STK32B: variants seen among roughly 807,000 people sequenced by gnomAD.
STK32B encodes serine/threonine kinase 32B, also known as serine/threonine-protein kinase 32B.
Under a neutral mutation model 52.6 loss-of-function variants are expected in STK32B, and 43 were observed. The observed-to-expected ratio is 0.82, with a 90% CI of 0.64 to 1.05. The LOEUF (loss-of-function observed/expected upper bound fraction) is 1.05. Ranked by LOEUF, STK32B falls within the 50% of genes least tolerant of loss-of-function variation. STK32B has a pLI of 0.00. For missense variants in STK32B, 621 were observed against 534.6 expected (o/e 1.16, Z -1.59); for synonymous variants, 238 against 204.3 (o/e 1.17, Z -1.41).
the STK32B span, among the ~76,000 whole-genome samples, chr4:5,038,152 C>T: frequency 6.6e-6 from 1 of 152,200 alleles, no homozygotes; most frequent in Admixed American, 6.5e-5. Context: ...GTTCATGAAT[C>T]ATCCCCATAA....
chr4:5,432,119 TC>T (rs1300289419), intron 6 of STK32B, among the ~76,000 whole-genome samples: 1 of 152,184 alleles, frequency 6.6e-6, no homozygotes, highest in African/African-American at 2.4e-5. Flanking sequence ...ATAAGTTGTC[TC>T]ATTATGGGGT....
chr4:5,142,519 C>A (rs114405741), intron 2 of STK32B, among the ~76,000 whole-genome samples: 1,777 of 152,282 alleles, frequency 0.012, 28 homozygotes, highest in African/African-American at 0.04. Flanking sequence ...CTGAGTTTTG[C>A]TATATGCACA....
At chr4:5,480,187 C>CTTTTCA (rs1018357299) in intron 11 of STK32B, among the ~76,000 whole-genome samples, 112 of 152,254 alleles carry the variant, frequency 7.4e-4, no homozygotes, top group African/African-American at 2.7e-3. Context: ...ACATTATCTT[C>CTTTTCA]TTTTCATTTT....
chr4:5,354,835 T>G (rs1333268168), intron 4 of STK32B, among the ~76,000 whole-genome samples: 3 of 152,156 alleles, frequency 2.0e-5, no homozygotes, highest in African/African-American at 7.2e-5. Context: ...TAAATTAAAT[T>G]TTTAAAAATT....
intron 3 of STK32B, among the ~76,000 whole-genome samples, chr4:5,240,228 T>C (rs939959354): frequency 2.6e-4 from 39 of 152,244 alleles, no homozygotes; most frequent in African/African-American, 9.1e-4. Flanking sequence ...TATTCTGTCA[T>C]CCCCGAGACT....
chr4:5,306,975 T>C (rs946470253), intron 3 of STK32B, among the ~76,000 whole-genome samples: 3 of 152,186 alleles, frequency 2.0e-5, no homozygotes, highest in Non-Finnish European at 4.4e-5. Context: ...CCCAATCCCT[T>C]CTAGCTTGTA....
intron 3 of STK32B, among the ~76,000 whole-genome samples, chr4:5,297,533 A>G (rs1304240306): frequency 4.6e-5 from 7 of 150,762 alleles, no homozygotes; most frequent in Admixed American, 1.3e-4. Flanking sequence ...TTGATCTTCA[A>G]TCTCTGATCC....
Position 5,209,302 on chromosome 4 carries a change from G to A in STK32B, c.260+40852G>A, listed in dbSNP as rs143834875. Among the ~76,000 whole-genome samples, 29 of 152,256 alleles carry A rather than the reference G, an allele frequency of 1.9e-4. No homozygotes were observed. The East Asian group carries it at 5.4e-3, about 28-fold the overall frequency. On this transcript the variant is annotated intron_variant, in intron 3 of 11. Transcript: ENST00000282908. ...AGTGTCACAATCACAGCTCACTGCA[G>A]CCTCAAAATCACAGGTTCAAGTAAT...
At chr4:5,109,591 T>G (rs1714283885) in intron 1 of STK32B, among the ~76,000 whole-genome samples, 1 of 152,104 alleles carries the variant, frequency 6.6e-6, no homozygotes, top group South Asian at 2.1e-4. Context: ...TCCTCCATGA[T>G]AAGAGCCCTC....
At chr4:5,077,532 C>G (rs1200082687) in intron 1 of STK32B, among the ~76,000 whole-genome samples, 1 of 152,162 alleles carries the variant, frequency 6.6e-6, no homozygotes, top group Non-Finnish European at 1.5e-5. Flanking sequence ...TAGAGCCTCT[C>G]CCTGGCTGAC....
At chr4:5,185,970 A>G (rs79728735) in intron 3 of STK32B, among the ~76,000 whole-genome samples, 2 of 152,082 alleles carry the variant, frequency 1.3e-5, no homozygotes, top group East Asian at 3.9e-4. Flanking sequence ...TCATCTCTCC[A>G]GGCCTCTGCT....
chr4:5,278,747 T>A (rs1728003252), intron 3 of STK32B, among the ~76,000 whole-genome samples: 1 of 152,100 alleles, frequency 6.6e-6, no homozygotes. Context: ...TTTAATTGTC[T>A]CAGTTCCACA....
chr4:5,319,294 T>C (rs1338717775), intron 3 of STK32B, among the ~76,000 whole-genome samples: 1 of 152,190 alleles, frequency 6.6e-6, no homozygotes, highest in Non-Finnish European at 1.5e-5. Flanking sequence ...CAAAAGGGTT[T>C]GTGTGCTCTC....
At chr4:5,233,802 A>G (rs762117384) in intron 3 of STK32B, among the ~76,000 whole-genome samples, 10 of 151,912 alleles carry the variant, frequency 6.6e-5, no homozygotes, top group East Asian at 5.8e-4. Flanking sequence ...TGGAAACAAC[A>G]TGGAGGTTGG....
chr4:5,049,013 A>G (rs535523463), upstream of STK32B, among the ~76,000 whole-genome samples: 119 of 152,314 alleles, frequency 7.8e-4, no homozygotes, highest in African/African-American at 2.8e-3. Context: ...GCACGCTGTC[A>G]CTGAACACTG....
At chr4:5,286,791 G>A (rs1212148987) in intron 3 of STK32B, among the ~76,000 whole-genome samples, 1 of 135,600 alleles carries the variant, frequency 7.4e-6, no homozygotes, top group African/African-American at 3.0e-5. Context: ...AAATACAGAT[G>A]TACTTTTTTT....
intron 1 of STK32B, among the ~76,000 whole-genome samples, chr4:5,116,252 G>C (rs927951782): frequency 1.3e-5 from 2 of 152,138 alleles, no homozygotes; most frequent in Admixed American, 6.5e-5. Context: ...AGCTTTATGG[G>C]TGTGTGACCT....
chr4:5,313,822 A>G (rs141358605), intron 3 of STK32B, among the ~76,000 whole-genome samples: 64 of 152,318 alleles, frequency 4.2e-4, no homozygotes, highest in African/African-American at 1.4e-3. Flanking sequence ...GCAACAATTT[A>G]GAAATCCCAT....
At chr4:5,364,092 C>T (rs767506113) in intron 4 of STK32B, among the ~76,000 whole-genome samples, 58 of 150,754 alleles carry the variant, frequency 3.8e-4, no homozygotes, top group Non-Finnish European at 8.0e-4. Flanking sequence ...ATTCACTGAC[C>T]CCCCCCACTG....
Sources: gnomAD v4.1 joint callset for allele counts (sites outside exome capture counted in the v4.1 genomes callset) on GRCh38, gnomAD v4.1.1 for gene constraint, MANE v1.5 for transcripts, NCBI Gene and HGNC (gene_info 2026-07-23, HGNC 2026-07-21) for gene names.